The following AHCYL2 variants were observed in gnomAD, a reference collection of about 807,000 sequenced individuals.
AHCYL2 encodes S-adenosylhomocysteine hydrolase-like protein 2.
A neutral mutation model predicts 81.4 loss-of-function variants in AHCYL2; 28 were observed. That is an observed-to-expected ratio of 0.34 (90% CI 0.25 to 0.47). The LOEUF is 0.47. Among genes scored for constraint, AHCYL2 ranks in the 20% least tolerant of loss-of-function variants. The pLI, the probability that AHCYL2 is intolerant of heterozygous loss-of-function variation, is 1.00. For synonymous variants in AHCYL2, 272 were observed against 290.2 expected, an observed-to-expected ratio of 0.94 and a Z score of 0.64; for missense variants, 551 against 785.1, an observed-to-expected ratio of 0.70 and a Z score of 3.56.
At chr7:129,325,218 T>G (rs775055170) in intron 1 of AHCYL2, among the ~76,000 whole-genome samples, 1 of 152,216 alleles carries the variant, frequency 6.6e-6, no homozygotes, top group Non-Finnish European at 1.5e-5. Flanking sequence ...CTGGTAGTGA[T>G]GCTTTTTTCC....
chr7:129,314,204 C>CT (rs1797757401), intron 1 of AHCYL2, among the ~76,000 whole-genome samples: 1 of 152,186 alleles, frequency 6.6e-6, no homozygotes, highest in African/African-American at 2.4e-5. Flanking sequence ...TCTCAGAGGT[C>CT]TTCCCATAAA....
At chr7:129,382,952 A>G (rs1374190458) in intron 2 of AHCYL2, among the ~76,000 whole-genome samples, 3 of 152,128 alleles carry the variant, frequency 2.0e-5, no homozygotes, top group African/African-American at 7.2e-5. Flanking sequence ...AACACTGGAA[A>G]GCCCCAAAGA....
intron 1 of AHCYL2, among the ~76,000 whole-genome samples, chr7:129,327,138 T>C (rs1798252580): frequency 2.0e-5 from 3 of 152,166 alleles, no homozygotes; most frequent in African/African-American, 4.8e-5. Context: ...CCCAGTGTGA[T>C]GGTATTAGGA....
At chr7:129,227,503 A>G (rs1794269594) in intron 1 of AHCYL2, among the ~76,000 whole-genome samples, 1 of 146,342 alleles carries the variant, frequency 6.8e-6, no homozygotes, top group African/African-American at 2.5e-5. Flanking sequence ...GTGTGTGCCT[A>G]TAGTCCCAGC....
chr7:129,232,489 A>G (rs1156536614), intron 1 of AHCYL2, among the ~76,000 whole-genome samples: 1 of 152,112 alleles, frequency 6.6e-6, no homozygotes, highest in Non-Finnish European at 1.5e-5. Context: ...GGATCTCACA[A>G]TCTAGCCTCT....
intron 1 of AHCYL2, among the ~76,000 whole-genome samples, chr7:129,244,733 CT>C (rs1352690617): frequency 6.6e-6 from 1 of 152,158 alleles, no homozygotes; most frequent in East Asian, 1.9e-4. Context: ...ACATACGAAT[CT>C]TTTGGGGGAA....
chr7:129,324,072 G>C (rs1254847062), intron 1 of AHCYL2, among the ~76,000 whole-genome samples: 1 of 151,596 alleles, frequency 6.6e-6, no homozygotes, highest in Non-Finnish European at 1.5e-5. Flanking sequence ...AGATTTTGTA[G>C]ATTTTTGTAG....
chr7:129,402,051 C>T (rs532283015), intron 6 of AHCYL2, among the ~76,000 whole-genome samples: 2 of 152,302 alleles, frequency 1.3e-5, no homozygotes, highest in African/African-American at 2.4e-5. Flanking sequence ...ACTACTGTCT[C>T]TAGTGGATAA....
At chr7:129,418,063 A>C (rs930037143) in intron 12 of AHCYL2, among the ~76,000 whole-genome samples, 1 of 152,180 alleles carries the variant, frequency 6.6e-6, no homozygotes, top group Non-Finnish European at 1.5e-5. Flanking sequence ...TGGCAGGTAA[A>C]AGACCCTGAG....
chr7:129,326,458 A>T (rs1423937480), intron 1 of AHCYL2, among the ~76,000 whole-genome samples: 2 of 152,104 alleles, frequency 1.3e-5, no homozygotes, highest in African/African-American at 4.8e-5. Context: ...ACCAGGAGGC[A>T]GAGGTTGCAG....
chr7:129,341,044 G>T (rs574635419), intron 1 of AHCYL2, among the ~76,000 whole-genome samples: 1 of 152,150 alleles, frequency 6.6e-6, no homozygotes, highest in Admixed American at 6.5e-5. Flanking sequence ...GGCTGGGGCT[G>T]CAAATTATAC....
intron 1 of AHCYL2, among the ~76,000 whole-genome samples, chr7:129,278,738 A>G (rs1206066977): frequency 7.2e-6 from 1 of 139,506 alleles, no homozygotes; most frequent in Non-Finnish European, 1.6e-5. Flanking sequence ...ATTTTTGCAT[A>G]TGGTACAAGG....
intron 5 of AHCYL2, among the ~76,000 whole-genome samples, chr7:129,398,393 T>G (rs1252830224): frequency 2.6e-5 from 4 of 151,372 alleles, no homozygotes; most frequent in Non-Finnish European, 5.9e-5. Flanking sequence ...TATTTATTTT[T>G]TTTGAGATGA....
chr7:129,388,939 A>G, intron 2 of AHCYL2, 117 bp from the exon 3 acceptor site: 1 of 1,189,866 alleles, frequency 8.4e-7, no homozygotes, highest in Non-Finnish European at 1.2e-6. Flanking sequence ...TACTTAACAG[A>G]GGTAAAAAAA....
chr7:129,242,370 G>A (rs1482984789), intron 1 of AHCYL2, among the ~76,000 whole-genome samples: 2 of 148,062 alleles, frequency 1.4e-5, no homozygotes, highest in African/African-American at 5.0e-5. Flanking sequence ...CCTTACTCAT[G>A]TTTCCTTATG....
chr7:129,269,625 G>A (rs950563526), intron 1 of AHCYL2, among the ~76,000 whole-genome samples: 85 of 151,928 alleles, frequency 5.6e-4, no homozygotes, highest in African/African-American at 2.0e-3. Context: ...AATAGAGATG[G>A]GGGTCTCACT....
At chr7:129,330,053 G>A (rs1400925256) in intron 1 of AHCYL2, among the ~76,000 whole-genome samples, 2 of 152,188 alleles carry the variant, frequency 1.3e-5, no homozygotes, top group Non-Finnish European at 2.9e-5. Context: ...TGCCGAGGCT[G>A]GAGTACAGAG....
chr7:129,400,256 T>C, intron 5 of AHCYL2, 34 bp from the exon 6 acceptor site: 2 of 1,605,288 alleles, frequency 1.2e-6, no homozygotes, highest in Non-Finnish European at 1.7e-6. Flanking sequence ...TTTTTTGGTC[T>C]TTAATGGTTT....
Position 129,277,278 on chromosome 7 carries a change from C to CGTTTTTTT in AHCYL2, c.363+51839_363+51840insGTTTTTTT, listed in dbSNP as rs35753023. ...TATTTATTACCTCTAAAGTCTCTCTCTTTTTTTTTTTTTTTTTTGAGATAG... is the reference window on the plus strand; with the variant it reads ...TATTTATTACCTCTAAAGTCTCTCTCGTTTTTTTTTTTTTTTTTTTTTTTTTGAGATAG... On this transcript the variant is annotated intron_variant, in intron 1 of 16. Coordinates refer to ENST00000325006, the MANE Select transcript of AHCYL2 (RefSeq NM_015328.4). Among the ~76,000 whole-genome samples, 6 of 135,792 alleles carry CGTTTTTTT rather than the reference C, an allele frequency of 4.4e-5. 2 individuals are homozygous for CGTTTTTTT. The highest frequency in any genetic ancestry group is 8.1e-5 in the African/African-American group (3 of 37,230). 89.1% of individuals were successfully genotyped at this position (135,792 alleles called of 152,430 possible). A position where few individuals can be genotyped will look rare whatever the true frequency, so the allele number is the denominator to read the frequency against.
Sources: gnomAD v4.1 joint callset for allele counts (sites outside exome capture counted in the v4.1 genomes callset) on GRCh38, gnomAD v4.1.1 for gene constraint, MANE v1.5 for transcripts, NCBI Gene and HGNC (gene_info 2026-07-23, HGNC 2026-07-21) for gene names.